Variants in CNTLN observed in about 807,000 individuals in gnomAD.
CNTLN encodes the protein centlein, centrosomal protein.
Under a neutral mutation model 180.0 loss-of-function variants are expected in CNTLN, and 212 were observed. The ratio of observed to expected loss-of-function variants is 1.18; its 90% CI spans 1.05 to 1.32. The LOEUF (loss-of-function observed/expected upper bound fraction) is 1.32. Ranked by LOEUF, CNTLN falls within the 40% of genes most tolerant of loss-of-function variation. CNTLN has a pLI of 0.00. For missense variants in CNTLN, 2,095 were observed against 1,610.9 expected, an observed-to-expected ratio of 1.30 and a Z score of -5.14; for synonymous variants, 722 against 563.1, an observed-to-expected ratio of 1.28 and a Z score of -3.99.
At chr9:17,527,091 C>T in the CNTLN span, among the ~76,000 whole-genome samples, 2 of 152,056 alleles carry the variant, frequency 1.3e-5, no homozygotes, top group African/African-American at 2.4e-5. Context: ...CCATGTTGGC[C>T]GGGCTGGTCT....
rs548078893 is a variant in CNTLN at position 17,188,619 on chromosome 9, C to T, written c.450-37584C>T. ...GGAAGCAAATAATTCAACTCTATTTCGAATAATTTTTATTCAGTGGTTTCA... is the reference window on the plus strand; with the variant it reads ...GGAAGCAAATAATTCAACTCTATTTTGAATAATTTTTATTCAGTGGTTTCA... On this transcript the variant is annotated intron_variant, in intron 2 of 25. Transcript: ENST00000380647. Among the ~76,000 whole-genome samples, 251 of 152,158 alleles carry T rather than the reference C, an allele frequency of 1.6e-3. 2 individuals are homozygous for T. The highest frequency in any genetic ancestry group is 5.5e-3 in the African/African-American group (230 of 41,554).
At chr9:17,267,667 C>A (rs554753803) in intron 5 of CNTLN, among the ~76,000 whole-genome samples, 64 of 152,184 alleles carry the variant, frequency 4.2e-4, no homozygotes, top group Non-Finnish European at 9.0e-4. Flanking sequence ...CCGACACTTT[C>A]AGGTACACCA....
chr9:17,234,064 C>G (rs1465931550), intron 3 of CNTLN, among the ~76,000 whole-genome samples: 1 of 152,058 alleles, frequency 6.6e-6, no homozygotes, highest in Non-Finnish European at 1.5e-5. Context: ...AAATTATTTA[C>G]ACACTGATCA....
chr9:17,380,905 C>G (rs1029136416), intron 13 of CNTLN, among the ~76,000 whole-genome samples: 5 of 152,200 alleles, frequency 3.3e-5, no homozygotes, highest in Non-Finnish European at 5.9e-5. Context: ...CACTTCTGCT[C>G]CATGTGTCTG....
chr9:17,314,080 A>C (rs1819386794), intron 8 of CNTLN, among the ~76,000 whole-genome samples: 1 of 152,220 alleles, frequency 6.6e-6, no homozygotes, highest in South Asian at 2.1e-4. Flanking sequence ...TATTATTCAG[A>C]TTAGATAGTT....
chr9:17,278,330 T>A (rs1481718617), intron 6 of CNTLN, among the ~76,000 whole-genome samples: 2 of 152,184 alleles, frequency 1.3e-5, no homozygotes, highest in African/African-American at 4.8e-5. Flanking sequence ...AGTTTTTGCA[T>A]ATGAACTTTA....
At chr9:17,477,489 G>A (rs1042429170) in intron 23 of CNTLN, among the ~76,000 whole-genome samples, 6 of 152,222 alleles carry the variant, frequency 3.9e-5, no homozygotes, top group African/African-American at 1.4e-4. Flanking sequence ...TGCCATTTAA[G>A]AATATTAATG....
chr9:17,293,064 C>G (rs1167512127), intron 6 of CNTLN, among the ~76,000 whole-genome samples: 1 of 152,228 alleles, frequency 6.6e-6, no homozygotes, highest in Non-Finnish European at 1.5e-5. Context: ...ACTCCAGACC[C>G]TATTCACTTG....
chr9:17,312,345 A>G (rs1008142091), intron 8 of CNTLN, among the ~76,000 whole-genome samples: 1 of 14,608 alleles, frequency 6.8e-5, no homozygotes, highest in Non-Finnish European at 2.5e-4. Context: ...TACTGTATTT[A>G]TATATATATA....
At chr9:17,517,173 C>G in the CNTLN span, among the ~76,000 whole-genome samples, 1 of 151,910 alleles carries the variant, frequency 6.6e-6, no homozygotes, top group Non-Finnish European at 1.5e-5. Flanking sequence ...GGGTGGATCA[C>G]AGGTCAGGAG....
chr9:17,405,128 G>A (rs1827277241), intron 15 of CNTLN, among the ~76,000 whole-genome samples: 1 of 151,686 alleles, frequency 6.6e-6, no homozygotes, highest in Non-Finnish European at 1.5e-5. Context: ...AGCAGCATTT[G>A]ACACAGTTGA....
At chr9:17,156,410 T>A (rs553021894) in intron 2 of CNTLN, among the ~76,000 whole-genome samples, 1 of 152,310 alleles carries the variant, frequency 6.6e-6, no homozygotes, top group South Asian at 2.1e-4. Flanking sequence ...AATACCTTTT[T>A]TAAAAAAGGT....
intron 15 of CNTLN, among the ~76,000 whole-genome samples, chr9:17,406,449 T>C (rs111425632): frequency 0.012 from 1,827 of 151,846 alleles, 79 homozygotes; most frequent in African/African-American, 0.042. Context: ...GTTTGATGTC[T>C]TCTGCCTGGA....
At chr9:17,242,569 C>G (rs1825559721) in intron 5 of CNTLN, among the ~76,000 whole-genome samples, 1 of 152,162 alleles carries the variant, frequency 6.6e-6, no homozygotes, top group Non-Finnish European at 1.5e-5. Context: ...CTTCAGCCTC[C>G]CAAAGTGCTG....
rs201761454 is a variant in CNTLN at position 17,257,066 on chromosome 9, A to G, written c.850-16667A>G. Reference sequence around the variant, plus strand: ...ATGTATACATGTGCCATGCTGGTGCACTGCACCCACTAACTCGTCATCTAG... The same window carrying G: ...ATGTATACATGTGCCATGCTGGTGCGCTGCACCCACTAACTCGTCATCTAG... On this transcript the variant is annotated intron_variant, in intron 5 of 25. Transcript: ENST00000380647. Among the ~76,000 whole-genome samples the G allele has an allele frequency of 2.7e-3, 411 of 151,742 alleles. 2 individuals are homozygous for G. Among genetic ancestry groups the G allele is most frequent in the Non-Finnish European group, 2.6e-3 (174 of 67,870 alleles).
At chr9:17,412,003 T>G (rs911058462) in intron 16 of CNTLN, among the ~76,000 whole-genome samples, 6 of 151,966 alleles carry the variant, frequency 3.9e-5, no homozygotes, top group African/African-American at 1.2e-4. Flanking sequence ...AATTACTACT[T>G]ATACCTAACA....
At chr9:17,386,396 A>G (rs1379260817) in intron 13 of CNTLN, among the ~76,000 whole-genome samples, 1 of 152,214 alleles carries the variant, frequency 6.6e-6, no homozygotes, top group East Asian at 1.9e-4. Context: ...TAGTAAAAGT[A>G]AAGCATTTAA....
intron 15 of CNTLN, among the ~76,000 whole-genome samples, chr9:17,406,149 A>C (rs1225145909): frequency 1.3e-5 from 2 of 151,822 alleles, no homozygotes; most frequent in Non-Finnish European, 2.9e-5. Flanking sequence ...TGCACTGACC[A>C]AAAGCTTGAT....
At chr9:17,311,046 C>G (rs927663755) in intron 8 of CNTLN, among the ~76,000 whole-genome samples, 3 of 151,088 alleles carry the variant, frequency 2.0e-5, no homozygotes, top group Non-Finnish European at 4.4e-5. Context: ...TTTTTTGAGA[C>G]AGAGTTTTGC....
Sources: gnomAD v4.1 joint callset for allele counts (sites outside exome capture counted in the v4.1 genomes callset) on GRCh38, gnomAD v4.1.1 for gene constraint, MANE v1.5 for transcripts, NCBI Gene and HGNC (gene_info 2026-07-23, HGNC 2026-07-21) for gene names.